The following ARID2 variants were observed in gnomAD, a reference collection of about 807,000 sequenced individuals.
ARID2 encodes the protein AT-rich interactive domain-containing protein 2.
In ARID2, 32 loss-of-function variants were observed where a neutral mutation model predicts 184.6. The ratio of observed to expected loss-of-function variants is 0.17; its 90% confidence interval spans 0.13 to 0.23. The LOEUF (loss-of-function observed/expected upper bound fraction) is 0.23, where lower values mean the gene tolerates loss of function less well. ARID2 is among the 10% of genes least tolerant of loss of function. ARID2 has a pLI of 1.00. For missense variants in ARID2, 1,696 were observed against 2,197.6 expected (o/e 0.77, Z 4.56); for synonymous variants, 836 against 772.6 (o/e 1.08, Z -1.36).
chr12:45,828,423 G>C (rs1943045513), intron 6 of ARID2, among the ~76,000 whole-genome samples: 1 of 151,942 alleles, frequency 6.6e-6, no homozygotes, highest in African/African-American at 2.4e-5. Flanking sequence ...TGCTATGAAG[G>C]GTTTTATATA....
chr12:45,819,737 G>GTT (rs965525085), intron 5 of ARID2, among the ~76,000 whole-genome samples: 2 of 148,512 alleles, frequency 1.3e-5, no homozygotes, highest in Admixed American at 6.7e-5. Flanking sequence ...TTTTTTGTTT[G>GTT]TTTTTTTGGG....
chr12:45,904,957 A>T lies in ARID2; in HGVS notation c.5387A>T (p.Asn1796Ile). The T allele has an allele frequency of 6.2e-7, 1 of 1,613,936 alleles. No homozygotes were observed. The highest frequency in any genetic ancestry group is 8.5e-7 in the Non-Finnish European group (1 of 1,179,960). The change falls in exon 21 of 21, where the codon AAC becomes ATC. Residue 1796 changes from asparagine (N) to isoleucine (I), a missense_variant. Asn to Ile is a moderately radical substitution (Grantham distance 149). This residue lies in a region of ARID2 where 69 missense variants were observed against 118.2 expected (regional missense o/e 0.58). Transcript: ENST00000334344. ...AGATTGTTAAAGAGACATGAAAATA[A>T]CTTATCAGTGCTAGCCATTAGTAAC... ...GRRLLKRHENNLSVLAISNME... is the reference protein window; with the variant it reads ...GRRLLKRHENILSVLAISNME...
intron 6 of ARID2, among the ~76,000 whole-genome samples, 159 bp from the exon 7 acceptor site, chr12:45,836,429 AG>A (rs1176456991): frequency 6.6e-6 from 1 of 152,166 alleles, no homozygotes; most frequent in Non-Finnish European, 1.5e-5. Flanking sequence ...CTGCCCAGGC[AG>A]GTCTCAAACT....
intron 15 of ARID2, among the ~76,000 whole-genome samples, chr12:45,857,371 G>T (rs1234258457): frequency 6.6e-6 from 1 of 152,096 alleles, no homozygotes; most frequent in East Asian, 1.9e-4. Flanking sequence ...GAACAGTTTA[G>T]CAAGAGCCAC....
Position 45,796,661 on chromosome 12 carries a change from A to T in ARID2, c.285-14757A>T, listed in dbSNP as rs542684553. ...CCAGAGTAGCTGGGATTACAGGCAC[A>T]TGCCACCATGCCCAGCTAATTTTTG... is the stretch of plus-strand genomic sequence containing the variant. On this transcript the variant is annotated intron_variant, in intron 3 of 20. Coordinates refer to ENST00000334344, the MANE Select transcript of ARID2 (RefSeq NM_152641.4). Among the ~76,000 whole-genome samples, 6 of 152,192 alleles carry T rather than the reference A, an allele frequency of 3.9e-5. No homozygotes were observed. The East Asian group carries it at 1.2e-3, about 29-fold the overall frequency.
chr12:45,882,772 G>A (rs1565637324), intron 16 of ARID2, among the ~76,000 whole-genome samples: 4 of 152,198 alleles, frequency 2.6e-5, no homozygotes, highest in Admixed American at 2.6e-4. Context: ...AGCATCATTT[G>A]TCTCAATTTT....
chr12:45,807,627 G>T (rs1168134669), intron 3 of ARID2, among the ~76,000 whole-genome samples: 3 of 152,076 alleles, frequency 2.0e-5, no homozygotes, highest in African/African-American at 7.2e-5. Context: ...AATTTTACAA[G>T]AATTTGATTT....
chr12:45,765,216 C>CT lies in ARID2; in HGVS notation c.284+33911dup, dbSNP rs1247485358. Reference sequence around the variant, plus strand: ...TATTGGGTTGTTTTCTTTTTCTTTTCTTTTTTTTTGAGACAAGGTCTCTCT... The same window carrying CT: ...TATTGGGTTGTTTTCTTTTTCTTTTCTTTTTTTTTTGAGACAAGGTCTCTCT... On this transcript the variant is annotated intron_variant, in intron 3 of 20. Transcript: ENST00000334344. 4.4e-4 allele frequency among the ~76,000 whole-genome samples: 66 copies of CT among 150,718 alleles called. 1 individual carries two copies. In the East Asian group the frequency reaches 7.8e-3, roughly 18 times the overall value.
chr12:45,776,289 A>T (rs758409109), intron 3 of ARID2: 2 of 152,470 alleles, frequency 1.3e-5, no homozygotes, highest in Non-Finnish European at 2.9e-5. Context: ...TGCTCTACAG[A>T]GAGTGACTTG....
intron 3 of ARID2, among the ~76,000 whole-genome samples, chr12:45,786,470 T>C (rs1181514510): frequency 6.6e-6 from 1 of 152,228 alleles, no homozygotes; most frequent in Non-Finnish European, 1.5e-5. Flanking sequence ...GGATAGTGCT[T>C]TTCAGATCTT....
Position 45,763,295 on chromosome 12 carries a change from C to A in ARID2, c.284+31981C>A, listed in dbSNP as rs1941713673. ...GCCAGCCTGGCCAACATAGTGAAAC[C>A]CCGTCTCTACTAAAAATACAAAAAA... On this transcript the variant is annotated intron_variant, in intron 3 of 20. Transcript: ENST00000334344. 2.6e-5 allele frequency among the ~76,000 whole-genome samples: 4 copies of A among 152,100 alleles called. No homozygotes were observed. The South Asian group carries it at 8.3e-4, about 32-fold the overall frequency.
At chr12:45,849,021 C>G in intron 13 of ARID2, 51 bp downstream of exon 13, 1 of 1,552,658 alleles carries the variant, frequency 6.4e-7, no homozygotes, top group Non-Finnish European at 8.7e-7. Flanking sequence ...CTTACAACAT[C>G]TCTTGCTCTT....
chr12:45,853,121 ATTT>A (rs1321621372), intron 15 of ARID2, among the ~76,000 whole-genome samples: 4 of 152,208 alleles, frequency 2.6e-5, no homozygotes, highest in African/African-American at 9.6e-5. Context: ...CAAATTAATA[ATTT>A]TCTAGGCCCA....
Position 45,851,968 on chromosome 12 carries a change from A to T in ARID2, c.3845A>T (p.Asp1282Val), listed in dbSNP as rs778526359. ...RRGATNTSNG[D>V]TKENEMHVGS... ...GGAGCCACAAACACCAGCAATGGGGATACAAAGGAAAATGAAATGCATGTG... is the reference window on the plus strand; with the variant it reads ...GGAGCCACAAACACCAGCAATGGGGTTACAAAGGAAAATGAAATGCATGTG... The change falls in exon 15 of 21, where the codon GAT becomes GTT. Residue 1282 changes from aspartate to valine, a missense_variant. Transcript: ENST00000334344. 3 of 1,613,904 alleles carry T rather than the reference A, an allele frequency of 1.9e-6. No individual in the cohort carries two copies. Among genetic ancestry groups the T allele is most frequent in the Admixed American group, 1.7e-5 (1 of 59,948 alleles).
chr12:45,745,812 G>A (rs536886714), intron 3 of ARID2, among the ~76,000 whole-genome samples: 28 of 152,234 alleles, frequency 1.8e-4, no homozygotes, highest in Non-Finnish European at 3.8e-4. Flanking sequence ...GCCTCCCAAA[G>A]TGCTGGGATT....
intron 16 of ARID2, among the ~76,000 whole-genome samples, chr12:45,871,983 G>A (rs1202452867): frequency 6.6e-6 from 1 of 151,900 alleles, no homozygotes; most frequent in Non-Finnish European, 1.5e-5. Context: ...TGATATTAAT[G>A]ATTTGTATCT....
intron 16 of ARID2, among the ~76,000 whole-genome samples, chr12:45,890,962 C>G (rs550024906): frequency 6.6e-6 from 1 of 151,956 alleles, no homozygotes; most frequent in Non-Finnish European, 1.5e-5. Context: ...GTCAGGAATT[C>G]GAGACCAGCC....
At chr12:45,775,428 A>G (rs994351978) in intron 3 of ARID2, among the ~76,000 whole-genome samples, 6 of 152,184 alleles carry the variant, frequency 3.9e-5, no homozygotes, top group Admixed American at 6.5e-5. Context: ...ATCACATCCA[A>G]TAAGACTCCA....
In ARID2 at chr12:45,837,541, T is replaced by G; in HGVS notation, c.1164T>G (p.Gly388=). 3 of 1,614,060 alleles carry G rather than the reference T, an allele frequency of 1.9e-6. No individual in the cohort carries two copies. Among genetic ancestry groups the G allele is most frequent in the Non-Finnish European group, 2.5e-6 (3 of 1,179,974 alleles). ...LGNLCKAEDN[G]VLICEYVDQD... ...ATCTTTGCAAAGCAGAAGATAATGG[T>G]GTTTTAATTTGTGAATATGTGGATC... Residue 388 remains glycine, a synonymous_variant, in exon 10 of 21, where the codon GGT becomes GGG. Coordinates refer to ENST00000334344, the MANE Select transcript of ARID2 (RefSeq NM_152641.4).
Sources: allele counts gnomAD v4.1 joint callset (sites outside exome capture counted in the v4.1 genomes callset), GRCh38; gene constraint gnomAD v4.1.1; regional missense constraint gnomAD v4.1.1; transcripts MANE v1.5; gene names NCBI Gene and HGNC (gene_info 2026-07-23, HGNC 2026-07-21).